The following KLF12 variants were observed in gnomAD, a reference collection of about 807,000 sequenced individuals.
The protein encoded by KLF12 is KLF transcription factor 12, also known as Krueppel-like factor 12.
KLF12 carries 9 observed loss-of-function variants against 37.8 expected under a neutral mutation model. The ratio of observed to expected loss-of-function variants is 0.24; its 90% CI spans 0.14 to 0.42. The LOEUF is 0.42. KLF12 is among the 10% of genes least tolerant of loss of function. The pLI is 1.00. For missense variants in KLF12, 411 were observed against 516.0 expected (o/e 0.80, Z 1.97); for synonymous variants, 208 against 202.1 (o/e 1.03, Z -0.25).
chr13:74,116,419 T>C (rs550210453), intron 1 of KLF12, among the ~76,000 whole-genome samples: 4 of 152,336 alleles, frequency 2.6e-5, no homozygotes, highest in African/African-American at 9.6e-5. Context: ...GCACGTGTAG[T>C]TTTACATGAA....
intron 1 of KLF12, among the ~76,000 whole-genome samples, chr13:74,074,120 T>G (rs1208621403): frequency 6.6e-6 from 1 of 152,180 alleles, no homozygotes; most frequent in Non-Finnish European, 1.5e-5. Context: ...TAAAACACTG[T>G]CCCTTCTGCT....
At chr13:74,007,368 C>A (rs113319799) in intron 1 of KLF12, among the ~76,000 whole-genome samples, 2 of 151,796 alleles carry the variant, frequency 1.3e-5, no homozygotes, top group Non-Finnish European at 2.9e-5. Context: ...CTCCATCCCC[C>A]CCGGGTTCAC....
At chr13:74,160,001 CAAAAAAAAAAAAAAA>C in the KLF12 span, among the ~76,000 whole-genome samples, 1 of 95,760 alleles carries the variant, frequency 1.0e-5, no homozygotes, top group Non-Finnish European at 2.1e-5. Context: ...GACCTTGTCT[CAAAAAAAAAAAAAAA>C]AAAAAAAAGG....
the KLF12 span, among the ~76,000 whole-genome samples, chr13:74,279,697 A>C: frequency 6.6e-6 from 1 of 152,208 alleles, no homozygotes; most frequent in East Asian, 1.9e-4. Context: ...TAGCTTGAAC[A>C]AAAAACATGT....
chr13:74,133,597 C>G (rs1878390707), intron 1 of KLF12, among the ~76,000 whole-genome samples: 1 of 150,976 alleles, frequency 6.6e-6, no homozygotes, highest in East Asian at 1.9e-4. Context: ...GAACACAGAC[C>G]AACCAAAATG....
chr13:73,905,670 A>G (rs1018349995), intron 3 of KLF12, among the ~76,000 whole-genome samples: 2 of 151,962 alleles, frequency 1.3e-5, no homozygotes, highest in African/African-American at 4.9e-5. Context: ...AGCAGATAAC[A>G]TGGTGAAATA....
At chr13:74,213,677 A>C in the KLF12 span, among the ~76,000 whole-genome samples, 1 of 123,670 alleles carries the variant, frequency 8.1e-6, no homozygotes, top group Non-Finnish European at 1.6e-5. Context: ...TTTTCATTCT[A>C]TTTGAAATAT....
At chr13:74,056,306 T>C (rs1873240635) in intron 1 of KLF12, among the ~76,000 whole-genome samples, 1 of 152,184 alleles carries the variant, frequency 6.6e-6, no homozygotes, top group East Asian at 1.9e-4. Context: ...GTAACCCAAA[T>C]TTCACTGACT....
chr13:74,287,993 T>G, the KLF12 span, among the ~76,000 whole-genome samples: 1 of 133,398 alleles, frequency 7.5e-6, no homozygotes, highest in South Asian at 2.7e-4. Flanking sequence ...AAATCAACAC[T>G]GTTACTCGCT....
intron 1 of KLF12, among the ~76,000 whole-genome samples, chr13:74,070,280 A>G (rs1308713276): frequency 4.6e-5 from 7 of 152,224 alleles, no homozygotes; most frequent in Non-Finnish European, 1.0e-4. Context: ...GCGAAGTCAA[A>G]GAAGATAACT....
the KLF12 span, among the ~76,000 whole-genome samples, chr13:74,176,560 G>C: frequency 1.3e-5 from 2 of 152,126 alleles, no homozygotes; most frequent in Admixed American, 6.5e-5. Flanking sequence ...GAAACCTTCA[G>C]CTCAGACTTA....
At chr13:73,960,437 C>A in intron 2 of KLF12, 1 of 236,494 alleles carries the variant, frequency 4.2e-6, no homozygotes, top group Non-Finnish European at 9.4e-6. Flanking sequence ...AAAATAAATG[C>A]TTGACAGTTC....
the KLF12 span, among the ~76,000 whole-genome samples, chr13:74,177,082 A>G: frequency 6.6e-6 from 1 of 152,326 alleles, no homozygotes; most frequent in Non-Finnish European, 1.5e-5. Context: ...ATTAATGGTC[A>G]GCTACCGGAA....
chr13:73,916,428 A>G (rs76321785), intron 3 of KLF12, among the ~76,000 whole-genome samples: 8,665 of 152,216 alleles, frequency 0.057, 589 homozygotes, highest in African/African-American at 0.17. Context: ...CTGCCTCACT[A>G]TAGCAGAGGA....
In KLF12 at chr13:73,779,379, C is replaced by G. The variant is rs530800445; in HGVS notation, c.807-14379G>C. On this transcript the variant is annotated intron_variant, in intron 5 of 7. Coordinates refer to ENST00000377669, the MANE Select transcript of KLF12 (RefSeq NM_007249.5). Reference sequence around the variant, plus strand: ...ACCAGTGGCCAATGATTTGATCCCTCATGCCTATGGAATGAAACCTCAATA... The same window carrying G: ...ACCAGTGGCCAATGATTTGATCCCTGATGCCTATGGAATGAAACCTCAATA... Among the ~76,000 whole-genome samples the G allele has an allele frequency of 2.0e-5, 3 of 152,260 alleles. No homozygotes were observed. In the East Asian group the frequency reaches 5.8e-4, roughly 29 times the overall value.
chr13:74,009,016 G>T (rs1012706053), intron 1 of KLF12, among the ~76,000 whole-genome samples: 6 of 152,212 alleles, frequency 3.9e-5, no homozygotes, highest in African/African-American at 1.4e-4. Flanking sequence ...TTTCCCAGCT[G>T]AGCCTGTGAA....
intron 1 of KLF12, among the ~76,000 whole-genome samples, chr13:74,122,867 C>T (rs894987583): frequency 6.1e-5 from 9 of 146,848 alleles, no homozygotes; most frequent in Non-Finnish European, 1.2e-4. Context: ...TATAAAAGGA[C>T]ACATAATCGT....
intron 4 of KLF12, among the ~76,000 whole-genome samples, chr13:73,818,710 A>G (rs1883366087): frequency 6.6e-6 from 1 of 152,268 alleles, no homozygotes; most frequent in Admixed American, 6.5e-5. Context: ...ACAGGAATGA[A>G]TCCCAGAAGC....
chr13:74,174,686 A>C, the KLF12 span, among the ~76,000 whole-genome samples: 1 of 152,202 alleles, frequency 6.6e-6, no homozygotes, highest in African/African-American at 2.4e-5. Flanking sequence ...ATTGCTTTAT[A>C]ACCTCAAAAA....
Sources: allele counts gnomAD v4.1 joint callset (sites outside exome capture counted in the v4.1 genomes callset), GRCh38; gene constraint gnomAD v4.1.1; transcripts MANE v1.5; gene names NCBI Gene and HGNC (gene_info 2026-07-23, HGNC 2026-07-21).